The following KIFC3 variants were observed in gnomAD, a reference collection of about 807,000 sequenced individuals.
The protein encoded by KIFC3 is kinesin-like protein KIFC3.
Under a neutral mutation model 101.8 loss-of-function variants are expected in KIFC3, and 60 were observed. The observed-to-expected ratio is 0.59, with a 90% CI of 0.48 to 0.73. The LOEUF is 0.73. Among genes scored for constraint, KIFC3 ranks in the 30% least tolerant of loss-of-function variants. KIFC3 has a pLI of 0.00. For synonymous variants in KIFC3, 476 were observed against 482.7 expected, an observed-to-expected ratio of 0.99 and a Z score of 0.18; for missense variants, 966 against 1,137.1, an observed-to-expected ratio of 0.85 and a Z score of 2.16.
In KIFC3 at chr16:57,762,152, T is replaced by C; in HGVS notation, c.1736A>G (p.Asn579Ser). Residue 579 changes from asparagine to serine, a missense_variant, in exon 13 of 20, where the codon AAT (asparagine) becomes AGT (serine). Physicochemically the swap from Asn to Ser is conservative, Grantham distance 46. This residue lies in a region of KIFC3 where 689 missense variants were observed against 884.6 expected (regional missense o/e 0.78). Coordinates refer to ENST00000445690, the MANE Select transcript of KIFC3 (RefSeq NM_001130100.2). ...TITVSAAEIYNEVLRDLLGKE... is the reference protein window; with the variant it reads ...TITVSAAEIYSEVLRDLLGKE... ...CTGGGGCTCCCACCTGAGGACCTCA[T>C]TGTAGATCTCCGCAGCGCTGACGGT... is the stretch of plus-strand genomic sequence containing the variant. The C allele has an allele frequency of 6.3e-7, 1 of 1,588,834 alleles. No individual in the cohort carries two copies.
rs149165525 is a variant in KIFC3 at position 57,761,121 on chromosome 16, G to C, written c.1923C>G (p.Asn641Lys). The C allele has an allele frequency of 1.9e-6, 3 of 1,613,878 alleles. No individual in the cohort carries two copies. Among genetic ancestry groups the C allele is most frequent in the Admixed American group, 3.3e-5 (2 of 59,998 alleles). Residue 641 changes from asparagine to lysine, a missense_variant, in exon 15 of 20, where the codon AAC becomes AAG. Coordinates refer to ENST00000445690, the MANE Select transcript of KIFC3 (RefSeq NM_001130100.2). ...GCGCGTGCGAGCGGGAGCTGTGCTC[G>C]TTCAGGTTGGTGAACTCGGTCGTGC... ...TNRTTEFTNL[N>K]EHSSRSHALL...
At chr16:57,797,011 T>C (rs1409963910) in intron 2 of KIFC3, among the ~76,000 whole-genome samples, 1 of 152,220 alleles carries the variant, frequency 6.6e-6, no homozygotes, top group Non-Finnish European at 1.5e-5. Context: ...CCCAGGCCCC[T>C]GGGTCATCCC....
chr16:57,835,198 G>A lies in KIFC3; in HGVS notation c.108+27531C>T, dbSNP rs75015987. ...GATATTTGAAGAGTCAGTGATAGAC[G>A]ATTTCATCAGAAGGTTCTGGCAACA... On this transcript the variant is annotated intron_variant, in intron 1 of 2. Coordinates refer to the KIFC3 transcript ENST00000563028. Among the ~76,000 whole-genome samples the A allele has an allele frequency of 4.4e-3, 670 of 152,242 alleles. 5 individuals are homozygous for A. The highest frequency in any genetic ancestry group is 0.015 in the African/African-American group (614 of 41,542).
intron 11 of KIFC3, among the ~76,000 whole-genome samples, chr16:57,764,917 GC>G (rs1261594913): frequency 1.4e-5 from 2 of 143,452 alleles, no homozygotes; most frequent in Middle Eastern, 3.2e-3. Flanking sequence ...GGTGGGTGGG[GC>G]CATGCAGATG....
At chr16:57,803,498 AG>A (rs1265853576), upstream of KIFC3, 2 of 423,160 alleles carry the variant, frequency 4.7e-6, no homozygotes, top group African/African-American at 4.0e-5. Flanking sequence ...CCTGCTTGTC[AG>A]GGGATGGCCC....
At chr16:57,808,375 G>C (rs942321555) in intron 1 of KIFC3, among the ~76,000 whole-genome samples, 2 of 150,806 alleles carry the variant, frequency 1.3e-5, no homozygotes, top group African/African-American at 4.9e-5. Context: ...AGAAGCCGCC[G>C]GGCTCCTCCT....
chr16:57,790,072 TTCTTTC>T (rs1197951689), intron 3 of KIFC3, among the ~76,000 whole-genome samples: 6 of 37,880 alleles, frequency 1.6e-4, no homozygotes, highest in African/African-American at 6.6e-4. Context: ...CTTTCTTTCT[TTCTTTC>T]TTTTTTTTTT....
At chr16:57,783,930 G>A (rs923979420) in intron 3 of KIFC3, among the ~76,000 whole-genome samples, 38 of 152,170 alleles carry the variant, frequency 2.5e-4, no homozygotes, top group African/African-American at 7.0e-4. Flanking sequence ...CCCCCAAGGC[G>A]CTTGAGCCAC....
intron 1 of KIFC3, among the ~76,000 whole-genome samples, chr16:57,848,930 A>AT (rs1387316314): frequency 3.9e-5 from 6 of 152,194 alleles, no homozygotes; most frequent in Non-Finnish European, 5.9e-5. Context: ...TTATGAGAAC[A>AT]TTTCTATGAT....
At chr16:57,785,723 A>AG in intron 3 of KIFC3, 1 of 1,075,794 alleles carries the variant, frequency 9.3e-7, no homozygotes. Context: ...CTGGCAGAGG[A>AG]GGGGGTCCAT....
At chr16:57,789,286 C>T (rs1275989675) in intron 3 of KIFC3, among the ~76,000 whole-genome samples, 1 of 152,236 alleles carries the variant, frequency 6.6e-6, no homozygotes. Flanking sequence ...CATGGGAAGC[C>T]GTCTCCTCTT....
At chr16:57,849,682 C>T (rs1241726746) in intron 1 of KIFC3, among the ~76,000 whole-genome samples, 1 of 151,702 alleles carries the variant, frequency 6.6e-6, no homozygotes, top group Non-Finnish European at 1.5e-5. Context: ...GCAGGCAGAT[C>T]ATCTGAGGTC....
intron 1 of KIFC3, among the ~76,000 whole-genome samples, chr16:57,848,681 C>T (rs2149324192): frequency 6.6e-6 from 1 of 152,272 alleles, no homozygotes; most frequent in South Asian, 2.1e-4. Context: ...ATTCTGTGTG[C>T]AGACTGCTAA....
intron 3 of KIFC3, among the ~76,000 whole-genome samples, chr16:57,794,569 G>A (rs1159277827): frequency 1.3e-5 from 2 of 152,170 alleles, no homozygotes; most frequent in African/African-American, 4.8e-5. Context: ...CTGCAAGGGA[G>A]AAGACCCCAA....
At chr16:57,779,806 T>C (rs1352816313) in intron 3 of KIFC3, 1 of 151,900 alleles carries the variant, frequency 6.6e-6, no homozygotes, top group Admixed American at 6.6e-5. Context: ...AGAGACTCCA[T>C]CTCAAAAAAT....
At chr16:57,835,696 T>C (rs1290643984) in intron 1 of KIFC3, among the ~76,000 whole-genome samples, 2 of 152,136 alleles carry the variant, frequency 1.3e-5, no homozygotes, top group African/African-American at 4.8e-5. Context: ...ATGCCTGTAA[T>C]CCCAACACTT....
chr16:57,856,200 G>C (rs1310832358), intron 1 of KIFC3, among the ~76,000 whole-genome samples: 3 of 151,692 alleles, frequency 2.0e-5, no homozygotes, highest in Admixed American at 1.3e-4. Context: ...AAAAAAAAAG[G>C]CTGGGCACAG....
intron 3 of KIFC3, 135 bp downstream of exon 3, chr16:57,794,864 G>C: frequency 2.8e-6 from 2 of 709,972 alleles, no homozygotes. Flanking sequence ...GGGTCATGAG[G>C]GGCCCAACAG....
At position 57,845,364 on chromosome 16, in the gene KIFC3, C is replaced by CT. The variant is rs1345249465; in HGVS notation, c.108+17364dup. ...ATCACCTCGCAACTCAGCGGCCTGA[C>CT]TGATCTTGTTAAAACTGAAGCCAAT... On this transcript the variant is annotated intron_variant, in intron 1 of 2. Transcript: ENST00000563028. Among the ~76,000 whole-genome samples the CT allele has an allele frequency of 2.0e-5, 3 of 152,204 alleles. No homozygotes were observed. The East Asian group carries it at 5.8e-4, about 29-fold the overall frequency.
Sources: allele counts gnomAD v4.1 joint callset (sites outside exome capture counted in the v4.1 genomes callset), GRCh38; gene constraint gnomAD v4.1.1; regional missense constraint gnomAD v4.1.1; transcripts MANE v1.5; gene names NCBI Gene and HGNC (gene_info 2026-07-23, HGNC 2026-07-21).